The following MAGEC1 variants were observed in gnomAD, a reference collection of about 807,000 sequenced individuals.
MAGEC1 encodes melanoma-associated antigen C1.
MAGEC1 carries 3 observed loss-of-function variants against 1.5 expected under a neutral mutation model. That is an observed-to-expected ratio of 1.97 (90% CI 0.90 to 5.10). The LOEUF (loss-of-function observed/expected upper bound fraction) is 5.10. Among genes scored for constraint, MAGEC1 ranks in the 30% most tolerant of loss-of-function variants. MAGEC1 has a pLI of 0.02. For synonymous variants in MAGEC1, 357 were observed against 310.4 expected (o/e 1.15, Z -1.58); for missense variants, 985 against 803.1 (o/e 1.23, Z -2.74).
rs1927048164 is a variant in MAGEC1, at chrX:141,909,038, A to G, written c.*205A>G. On this transcript the variant is annotated 3_prime_UTR_variant, in exon 4 of 4. Transcript: ENST00000285879. Reference sequence around the variant, plus strand: ...CAGGTTTAAATAGCTTCAGAATCCTAGTTTATGCACATGAGTCGCACATGT... The same window carrying G: ...CAGGTTTAAATAGCTTCAGAATCCTGGTTTATGCACATGAGTCGCACATGT... 3 of 332,509 alleles carry G rather than the reference A, an allele frequency of 9.0e-6. No homozygotes were observed. Among genetic ancestry groups the G allele is most frequent in the Non-Finnish European group, 1.6e-5 (3 of 193,360 alleles). 27.4% of individuals were successfully genotyped at this position (332,509 alleles called of 1,213,427 possible).
In MAGEC1 at chrX:141,906,047, C is replaced by G; in HGVS notation, c.643C>G (p.Gln215Glu). ...CTCCTCCACTTTATTGAGTATTTTCCAGAGTTCCCCTGAGAGAACTCAGAG... is the reference window on the plus strand; with the variant it reads ...CTCCTCCACTTTATTGAGTATTTTCGAGAGTTCCCCTGAGAGAACTCAGAG... The part of the protein sequence containing the change: ...SFSSTLLSIF[Q>E]SSPERTQSTF... Residue 215 changes from glutamine (Q) to glutamate (E), a missense_variant, in exon 4 of 4, where the codon CAG becomes GAG. Coordinates refer to ENST00000285879, the MANE Select transcript of MAGEC1 (RefSeq NM_005462.5). 8.6e-7 allele frequency: 1 copy of G among 1,166,646 alleles called. No homozygotes were observed. The highest frequency in any genetic ancestry group is 3.0e-5 in the East Asian group (1 of 32,901).
intron 3 of MAGEC1, 109 bp downstream of exon 3, chrX:141,905,185 A>G: frequency 9.1e-7 from 1 of 1,096,782 alleles, no homozygotes; most frequent in African/African-American, 1.8e-5. Flanking sequence ...CCTGAACAAT[A>G]TTCATCATGC....
Position 141,908,516 on chromosome X carries a change from G to T in MAGEC1, c.3112G>T (p.Gly1038Trp), listed in dbSNP as rs1357543570. Reference protein sequence around the residue: ...VRAGREHFAFGEPRELLTKVW... With the variant: ...VRAGREHFAFWEPRELLTKVW... ...TGCTGGGAGGGAGCACTTTGCCTTT[G>T]GGGAGCCCAGGGAGCTCCTCACTAA... is the stretch of plus-strand genomic sequence containing the variant. The change falls in exon 4 of 4, where the codon GGG becomes TGG. Residue 1038 changes from glycine (G) to tryptophan (W), a missense_variant. By Grantham distance (184) the Gly-to-Trp change is radical. Transcript: ENST00000285879. The T allele has an allele frequency of 8.4e-7, 1 of 1,191,720 alleles. No homozygotes were observed. Among genetic ancestry groups the T allele is most frequent in the Non-Finnish European group, 1.1e-6 (1 of 885,423 alleles).
chrX:141,908,308 G>A lies in MAGEC1; in HGVS notation c.2904G>A (p.Val968=), dbSNP rs781217212. The A allele has an allele frequency of 1.7e-6, 2 of 1,211,527 alleles. No individual in the cohort carries two copies. Among genetic ancestry groups the A allele is most frequent in the Admixed American group, 2.2e-5 (1 of 46,018 alleles). ...TTTTTGGCATTTCCCTGAGAGAAGTGGACCCTGATGACTCCTATGTCTTTG... is the reference window on the plus strand; with the variant it reads ...TTTTTGGCATTTCCCTGAGAGAAGTAGACCCTGATGACTCCTATGTCTTTG... ...EILFGISLRE[V]DPDDSYVFVN... is the part of the protein sequence containing the mutation. The change falls in exon 4 of 4, where the codon GTG becomes GTA. Residue 968 remains valine, a synonymous_variant. Transcript: ENST00000285879.
chrX:141,908,246 G>A lies in MAGEC1; in HGVS notation c.2842G>A (p.Val948Met). Residue 948 changes from valine to methionine, a missense_variant, in exon 4 of 4, where the codon GTG becomes ATG. Physicochemically the swap from Val to Met is conservative, Grantham distance 21. Transcript: ENST00000285879. ...VISRYTGYFPVIFRKAREFIE... is the reference protein window; with the variant it reads ...VISRYTGYFPMIFRKAREFIE... ...CAGCAGGTACACGGGCTACTTTCCT[G>A]TGATCTTCAGGAAAGCCCGTGAGTT... 8.3e-7 allele frequency: 1 copy of A among 1,211,576 alleles called. No individual in the cohort carries two copies. The highest frequency in any genetic ancestry group is 1.7e-5 in the African/African-American group (1 of 57,691).
chrX:141,905,852 AG>A lies in MAGEC1; in HGVS notation c.449del (p.Ser150IlefsTer18). ...GAGTATTTTCCAGAGTTCCCCTGAG[AG>A]TACTCAAAGTCCTTTTGAGGGTTTT... ...LLSIFQSSPESTQSPFEGFPQ... is the reference protein window; with the variant it reads ...LLSIFQSSPEXTQSPFEGFPQ... On this transcript the variant is annotated frameshift_variant, in exon 4 of 4. Transcript: ENST00000285879. LOFTEE classifies it low-confidence loss of function (END_TRUNC). The A allele has an allele frequency of 8.3e-7, 1 of 1,203,127 alleles. No homozygotes were observed.
chrX:141,904,887 T>C, intron 2 of MAGEC1, 73 bp downstream of exon 2: 1 of 625,682 alleles, frequency 1.6e-6, no homozygotes, highest in Non-Finnish European at 2.5e-6. Flanking sequence ...GCACCCGGCC[T>C]GTAGCCACCC....
At chrX:141,905,264 T>C (rs2018171383) in intron 3 of MAGEC1, 145 bp from the exon 4 acceptor site, 1 of 828,094 alleles carries the variant, frequency 1.2e-6, no homozygotes, top group Non-Finnish European at 1.8e-6. Flanking sequence ...CATACTGGAG[T>C]TGGTAGATGC....
Position 141,904,750 on chromosome X carries a change from G to A in MAGEC1, c.-168G>A, listed in dbSNP as rs1175561750. Reference sequence around the variant, plus strand: ...GAAAGCAGGAGTTGAAGACCTGGGTGTGAGGGACACATACATCCTAAAAGC... The same window carrying A: ...GAAAGCAGGAGTTGAAGACCTGGGTATGAGGGACACATACATCCTAAAAGC... On this transcript the variant is annotated 5_prime_UTR_variant, in exon 2 of 4. In the 5' UTR this introduces an upstream ATG that the reference lacks. Transcript: ENST00000285879. 1 of 306,042 alleles carries A rather than the reference G, an allele frequency of 3.3e-6. No homozygotes were observed. Among genetic ancestry groups the A allele is most frequent in the African/African-American group, 2.7e-5 (1 of 37,318 alleles). The allele number at this position is 306,042 out of a possible 1,213,427, so 25.2% of individuals were successfully genotyped here. A position where few individuals can be genotyped will look rare whatever the true frequency, so the allele number is the denominator to read the frequency against.
chrX:141,907,372 C>G lies in MAGEC1; in HGVS notation c.1968C>G (p.Val656=). Residue 656 remains valine (V), a synonymous_variant, in exon 4 of 4, where the codon GTC becomes GTG. Coordinates refer to ENST00000285879, the MANE Select transcript of MAGEC1 (RefSeq NM_005462.5). The part of the protein sequence containing the change: ...ESSQSPPEGP[V]QSPLHSPQSP... ...CTCAGAGTCCTCCTGAGGGGCCTGTCCAGTCTCCTCTCCATAGTCCTCAGA... is the reference window on the plus strand; with the variant it reads ...CTCAGAGTCCTCCTGAGGGGCCTGTGCAGTCTCCTCTCCATAGTCCTCAGA... The G allele has an allele frequency of 8.4e-7, 1 of 1,193,846 alleles. No individual in the cohort carries two copies. Among genetic ancestry groups the G allele is most frequent in the East Asian group, 3.0e-5 (1 of 33,121 alleles).
chrX:141,908,678 A>C lies in MAGEC1; in HGVS notation c.3274A>C (p.Lys1092Gln). ...RKVVEFLAML[K>Q]NTVPITFPSS... is the part of the protein sequence containing the mutation. ...AGTAGTAGAGTTTTTGGCCATGCTA[A>C]AGAATACCGTCCCTATTACCTTTCC... The change falls in exon 4 of 4, where the codon AAG becomes CAG. Residue 1092 changes from lysine to glutamine, a missense_variant. Lys to Gln is a moderately conservative substitution (Grantham distance 53). Coordinates refer to ENST00000285879, the MANE Select transcript of MAGEC1 (RefSeq NM_005462.5). 8.3e-7 allele frequency: 1 copy of C among 1,211,771 alleles called. No homozygotes were observed. The highest frequency in any genetic ancestry group is 1.1e-6 in the Non-Finnish European group (1 of 895,472).
chrX:141,907,502 G>C lies in MAGEC1; in HGVS notation c.2098G>C (p.Glu700Gln). The C allele has an allele frequency of 8.4e-7, 1 of 1,196,899 alleles. No homozygotes were observed. The highest frequency in any genetic ancestry group is 1.1e-6 in the Non-Finnish European group (1 of 888,257). ...TCTCCAAATTCCTCAGAGTCCTCTT[G>C]AGGGAGAGGACTCCCTGTCTTCTCT... ...SPLQIPQSPL[E>Q]GEDSLSSLHF... The change falls in exon 4 of 4, where the codon GAG becomes CAG. Residue 700 changes from glutamate (E) to glutamine (Q), a missense_variant. Glu to Gln is a conservative substitution (Grantham distance 29). Transcript: ENST00000285879.
Position 141,904,871 on chromosome X carries a change from C to A in MAGEC1, c.-104+57C>A, listed in dbSNP as rs761097387. 5.6e-4 allele frequency: 297 copies of A among 529,932 alleles called. 3 individuals carry two copies. The highest frequency in any genetic ancestry group is 5.0e-3 in the African/African-American group (216 of 42,973). The allele number at this position is 529,932 out of a possible 1,213,427, so 43.7% of individuals were successfully genotyped here. A position where few individuals can be genotyped will look rare whatever the true frequency, so the allele number is the denominator to read the frequency against. ...CCCTACCCCCAGAAACAGGGCAGAC[C>A]TGGCAGCACCCGGCCTGTAGCCACC... On this transcript the variant is annotated intron_variant, in intron 2 of 3. Transcript: ENST00000285879.
chrX:141,905,987 C>T lies in MAGEC1; in HGVS notation c.583C>T (p.Gln195Ter), dbSNP rs1261424157. The change falls in exon 4 of 4, where the codon CAG becomes TAG. Residue 195 changes from glutamine (Q) to a stop codon, truncating the protein, a stop_gained. Transcript: ENST00000285879. LOFTEE classifies it low-confidence loss of function (END_TRUNC). ...STQSPFEGFP[Q>*]SPLQIPVSRS... ...TCAAAGTCCTTTTGAGGGTTTTCCC[C>T]AGTCTCCACTCCAGATTCCTGTGAG... 1.7e-6 allele frequency: 2 copies of T among 1,208,853 alleles called. No homozygotes were observed. Among genetic ancestry groups the T allele is most frequent in the South Asian group, 1.8e-5 (1 of 56,644 alleles).
chrX:141,905,427 C>T lies in MAGEC1; in HGVS notation c.23C>T (p.Thr8Ile), dbSNP rs771467260. Residue 8 changes from threonine to isoleucine, a missense_variant, in exon 4 of 4, where the codon ACT (threonine) becomes ATT (isoleucine). Transcript: ENST00000285879. Reference protein sequence around the residue: MGDKDMPTAGMPSLLQSS... With the variant: MGDKDMPIAGMPSLLQSS... ...TCTCCAGGGGACAAGGATATGCCTA[C>T]TGCTGGGATGCCGAGTCTTCTCCAG... 1.2e-5 allele frequency: 14 copies of T among 1,209,534 alleles called. No individual in the cohort carries two copies. The highest frequency in any genetic ancestry group is 3.5e-5 in the African/African-American group (2 of 57,371).
In MAGEC1 at chrX:141,906,309, C is replaced by T. The variant is rs112191471; in HGVS notation, c.905C>T (p.Pro302Leu). Residue 302 changes from proline to leucine, a missense_variant, in exon 4 of 4, where the codon CCT (proline) becomes CTT (leucine). Transcript: ENST00000285879. ...ACTTTTGAGGGTTTTCCCCAGTCTC[C>T]TCTCCAGATTCCTGTGAGCTCCTCC... ...QSTFEGFPQS[P>L]LQIPVSSSSS... 6.2e-3 allele frequency: 6,589 copies of T among 1,066,057 alleles called. 137 individuals are homozygous for T. The highest frequency in any genetic ancestry group is 6.1e-3 in the Non-Finnish European group (4,799 of 782,399). The allele number at this position is 1,066,057 out of a possible 1,213,427, so 87.9% of individuals were successfully genotyped here.
At position 141,908,490 on chromosome X, in the gene MAGEC1, G is replaced by C. The variant is rs147768551; in HGVS notation, c.3086G>C (p.Arg1029Pro). Reference protein sequence around the residue: ...IWDVLSGIGVRAGREHFAFGE... With the variant: ...IWDVLSGIGVPAGREHFAFGE... ...GATGTGCTGAGTGGAATAGGGGTGC[G>C]TGCTGGGAGGGAGCACTTTGCCTTT... Residue 1029 changes from arginine to proline, a missense_variant, in exon 4 of 4, where the codon CGT becomes CCT. Coordinates refer to ENST00000285879, the MANE Select transcript of MAGEC1 (RefSeq NM_005462.5). 1 of 1,196,439 alleles carries C rather than the reference G, an allele frequency of 8.4e-7. No homozygotes were observed. Among genetic ancestry groups the C allele is most frequent in the African/African-American group, 1.7e-5 (1 of 57,152 alleles).
Position 141,907,027 on chromosome X carries a change from C to G in MAGEC1, c.1623C>G (p.Asp541Glu), listed in dbSNP as rs151321679. 1.2e-4 allele frequency: 142 copies of G among 1,209,591 alleles called. No individual in the cohort carries two copies. The highest frequency in any genetic ancestry group is 1.6e-4 in the Non-Finnish European group (140 of 894,979). The change falls in exon 4 of 4, where the codon GAC (aspartate) becomes GAG (glutamate). Residue 541 changes from aspartate (D) to glutamate (E), a missense_variant. Coordinates refer to ENST00000285879, the MANE Select transcript of MAGEC1 (RefSeq NM_005462.5). ...QIVPSLPEWE[D>E]SLSPHYFPQS... ...TTCCAAGTCTTCCTGAGTGGGAGGACTCCCTGTCTCCTCACTACTTTCCTC... is the reference window on the plus strand; with the variant it reads ...TTCCAAGTCTTCCTGAGTGGGAGGAGTCCCTGTCTCCTCACTACTTTCCTC...
At position 141,906,984 on chromosome X, in the gene MAGEC1, A is replaced by G. The variant is rs1480653503; in HGVS notation, c.1580A>G (p.His527Arg). The change falls in exon 4 of 4, where the codon CAT becomes CGT. Residue 527 changes from histidine (H) to arginine (R), a missense_variant. His to Arg is a conservative substitution (Grantham distance 29). Coordinates refer to ENST00000285879, the MANE Select transcript of MAGEC1 (RefSeq NM_005462.5). The part of the protein sequence containing the change: ...PQSPPEGENT[H>R]SPLQIVPSLP... ...AGTCCTCCTGAAGGGGAGAATACCC[A>G]TTCTCCTCTCCAGATTGTTCCAAGT... is the stretch of plus-strand genomic sequence containing the variant. 2 of 1,211,233 alleles carry G rather than the reference A, an allele frequency of 1.7e-6. No individual in the cohort carries two copies. The highest frequency in any genetic ancestry group is 2.2e-6 in the Non-Finnish European group (2 of 895,234).
Sources: allele counts gnomAD v4.1 joint callset, GRCh38; gene constraint gnomAD v4.1.1; transcripts MANE v1.5; gene names NCBI Gene and HGNC (gene_info 2026-07-23, HGNC 2026-07-21).